Variants in CAST observed in about 807,000 individuals in gnomAD.
CAST encodes calpastatin, also known as MIR583 host.
Under a neutral mutation model 119.6 loss-of-function variants are expected in CAST, and 76 were observed. The ratio of observed to expected loss-of-function variants is 0.64; its 90% CI spans 0.53 to 0.77. The LOEUF (loss-of-function observed/expected upper bound fraction) is 0.77, where lower values mean the gene tolerates loss of function less well. Among genes scored for constraint, CAST ranks in the 30% least tolerant of loss-of-function variants. The pLI, the probability that CAST is intolerant of heterozygous loss-of-function variation, is 0.00. For missense variants in CAST, 953 were observed against 946.5 expected (o/e 1.01, Z -0.09); for synonymous variants, 319 against 331.6 (o/e 0.96, Z 0.41).
chr5:96,697,543 T>A (rs937818437), intron 3 of CAST, among the ~76,000 whole-genome samples: 1 of 152,208 alleles, frequency 6.6e-6, no homozygotes, highest in African/African-American at 2.4e-5. Flanking sequence ...ATAAAAATCA[T>A]TGAAAGACCA....
rs17086651 is a variant in CAST at position 96,762,144 on chromosome 5, T to C, written c.1834-130T>C. ...TTAAATTTCTTTTAAAATTATATGTTATTATGAGTCTATTTGGTCAAGAGA... is the reference window on the plus strand; with the variant it reads ...TTAAATTTCTTTTAAAATTATATGTCATTATGAGTCTATTTGGTCAAGAGA... On this transcript the variant is annotated intron_variant, in intron 24 of 31. Coordinates refer to ENST00000675179, the MANE Select transcript of CAST (RefSeq NM_001750.7). The C allele has an allele frequency of 0.084, 40,507 of 484,834 alleles. 3,336 individuals are homozygous for C. The highest frequency in any genetic ancestry group is 0.32 in the East Asian group (9,772 of 30,618). The allele number at this position is 484,834 out of a possible 1,614,324, so 30.0% of individuals were successfully genotyped here. A position where few individuals can be genotyped will look rare whatever the true frequency, so the allele number is the denominator to read the frequency against.
At chr5:96,105,202 C>T in the CAST span, among the ~76,000 whole-genome samples, 4 of 151,550 alleles carry the variant, frequency 2.6e-5, no homozygotes, top group Non-Finnish European at 5.9e-5. Context: ...TTGACTTCCT[C>T]TTTTCCTAAT....
At chr5:96,150,085 T>C in the CAST span, among the ~76,000 whole-genome samples, 2,425 of 152,212 alleles carry the variant, frequency 0.016, 51 homozygotes, top group African/African-American at 0.055. Context: ...GATACATTGG[T>C]GAATAAAACA....
At chr5:96,267,244 GAGT>G in the CAST span, among the ~76,000 whole-genome samples, 2 of 152,224 alleles carry the variant, frequency 1.3e-5, no homozygotes, top group Non-Finnish European at 2.9e-5. Flanking sequence ...CAACAAAAAG[GAGT>G]AGAAAATGAT....
chr5:96,250,668 T>G, the CAST span, among the ~76,000 whole-genome samples: 1 of 152,096 alleles, frequency 6.6e-6, no homozygotes, highest in East Asian at 1.9e-4. Context: ...AGGATTCTAC[T>G]AATAAGCTGA....
At chr5:96,252,019 T>C in the CAST span, among the ~76,000 whole-genome samples, 842 of 152,256 alleles carry the variant, frequency 5.5e-3, 7 homozygotes, top group South Asian at 7.3e-3. Context: ...AAGAATGAAA[T>C]GTAAGGCCAC....
the CAST span, among the ~76,000 whole-genome samples, chr5:96,039,389 T>C: frequency 1.3e-5 from 2 of 152,210 alleles, no homozygotes; most frequent in African/African-American, 2.4e-5. Flanking sequence ...TAGATCCAGT[T>C]TGTCAATTTT....
intron 3 of CAST, among the ~76,000 whole-genome samples, chr5:96,703,804 G>T (rs1425389859): frequency 6.6e-6 from 1 of 152,192 alleles, no homozygotes; most frequent in Non-Finnish European, 1.5e-5. Context: ...CCTCTGCATT[G>T]CAGGGAAGCT....
At chr5:96,451,977 A>C in the CAST span, among the ~76,000 whole-genome samples, 1 of 152,246 alleles carries the variant, frequency 6.6e-6, no homozygotes, top group Non-Finnish European at 1.5e-5. Context: ...CGATCATTAA[A>C]AAGTCAGGAA....
At chr5:96,599,966 C>CAAAAAA (rs74978713) in intron 1 of CAST, among the ~76,000 whole-genome samples, 6 of 47,206 alleles carry the variant, frequency 1.3e-4, no homozygotes, top group African/African-American at 2.4e-4. Flanking sequence ...CTTCATTAGG[C>CAAAAAA]AAAAAAAAAA....
At chr5:96,019,245 T>A in the CAST span, among the ~76,000 whole-genome samples, 1,056 of 152,364 alleles carry the variant, frequency 6.9e-3, 10 homozygotes, top group African/African-American at 0.025. Context: ...TTATTGTTAA[T>A]GTGTTGTGTG....
At chr5:95,963,305 C>T in the CAST span, among the ~76,000 whole-genome samples, 1 of 152,166 alleles carries the variant, frequency 6.6e-6, no homozygotes, top group Admixed American at 6.5e-5. Context: ...ATGCCTTCCC[C>T]ACCGTACGGG....
chr5:96,388,004 T>C, the CAST span, among the ~76,000 whole-genome samples: 43 of 152,322 alleles, frequency 2.8e-4, no homozygotes, highest in African/African-American at 5.0e-4. Context: ...CCTGTTCAGA[T>C]ACATATTTAA....
the CAST span, among the ~76,000 whole-genome samples, chr5:96,172,965 G>A: frequency 3.3e-5 from 5 of 152,212 alleles, no homozygotes; most frequent in Non-Finnish European, 7.3e-5. Flanking sequence ...GGGCACATAT[G>A]CCACTATGCT....
chr5:96,657,272 G>A (rs1033283882), upstream of CAST, among the ~76,000 whole-genome samples: 1 of 152,190 alleles, frequency 6.6e-6, no homozygotes, highest in African/African-American at 2.4e-5. Flanking sequence ...CCTGGGGTGA[G>A]TCACCATGAT....
At chr5:96,670,791 C>T (rs754627900) in intron 1 of CAST, among the ~76,000 whole-genome samples, 12 of 152,174 alleles carry the variant, frequency 7.9e-5, no homozygotes, top group South Asian at 2.1e-4. Context: ...CCACTGTGCC[C>T]GGCCTAGTTT....
chr5:96,741,807 A>G (rs753176227), intron 15 of CAST: 210 of 451,730 alleles, frequency 4.6e-4, no homozygotes, highest in Non-Finnish European at 1.4e-4. Context: ...CTCAGTCATC[A>G]TCTAAGACCA....
chr5:96,621,657 C>A (rs199921870), intron 1 of CAST, among the ~76,000 whole-genome samples: 1 of 152,148 alleles, frequency 6.6e-6, no homozygotes, highest in East Asian at 1.9e-4. Flanking sequence ...TGATCCCTCC[C>A]TCCACACATG....
intron 1 of CAST, among the ~76,000 whole-genome samples, chr5:96,569,760 C>T (rs1746540163): frequency 6.6e-6 from 1 of 152,224 alleles, no homozygotes. Flanking sequence ...AGTACAATAT[C>T]TTATGGTGCC....
Sources: allele counts gnomAD v4.1 joint callset (sites outside exome capture counted in the v4.1 genomes callset), GRCh38; gene constraint gnomAD v4.1.1; transcripts MANE v1.5; gene names NCBI Gene and HGNC (gene_info 2026-07-23, HGNC 2026-07-21).